The following CACNB4 variants were observed in gnomAD, a reference collection of about 807,000 sequenced individuals.
The protein encoded by CACNB4 is calcium voltage-gated channel auxiliary subunit beta 4, also known as voltage-dependent L-type calcium channel subunit beta-4.
Under a neutral mutation model 71.2 loss-of-function variants are expected in CACNB4, and 32 were observed. The ratio of observed to expected loss-of-function variants is 0.45; its 90% CI spans 0.34 to 0.60. The LOEUF (loss-of-function observed/expected upper bound fraction) is 0.60. CACNB4 is among the 20% of genes least tolerant of loss of function. The pLI is 0.01. For synonymous variants in CACNB4, 231 were observed against 236.9 expected (o/e 0.97, Z 0.23); for missense variants, 464 against 647.9 (o/e 0.72, Z 3.08).
intron 2 of CACNB4, among the ~76,000 whole-genome samples, chr2:152,007,177 T>A (rs1682777732): frequency 6.6e-6 from 1 of 152,214 alleles, no homozygotes; most frequent in Non-Finnish European, 1.5e-5. Context: ...TGCCTTTTTT[T>A]TAACCATTTT....
intron 2 of CACNB4, among the ~76,000 whole-genome samples, chr2:152,097,628 G>T (rs1425653413): frequency 6.6e-6 from 1 of 152,168 alleles, no homozygotes; most frequent in Non-Finnish European, 1.5e-5. Context: ...CATTACCAGC[G>T]ATCCGGAGAT....
intron 2 of CACNB4, among the ~76,000 whole-genome samples, chr2:151,965,566 A>G (rs62176765): frequency 0.029 from 4,386 of 152,338 alleles, 65 homozygotes; most frequent in African/African-American, 0.039. Flanking sequence ...TTGATGATTA[A>G]GCAGGATAAT....
At chr2:151,943,651 G>A (rs1053657186) in intron 2 of CACNB4, among the ~76,000 whole-genome samples, 5 of 152,162 alleles carry the variant, frequency 3.3e-5, no homozygotes, top group Non-Finnish European at 7.3e-5. Flanking sequence ...GGCTAATAAG[G>A]GGTTCGTCCA....
intron 2 of CACNB4, among the ~76,000 whole-genome samples, chr2:152,026,128 C>T (rs1457021216): frequency 6.6e-6 from 1 of 152,144 alleles, no homozygotes; most frequent in Admixed American, 6.5e-5. Context: ...CCACATCTCC[C>T]CTCTTACCTG....
Position 151,838,508 on chromosome 2 carries a change from A to C in CACNB4, c.*611T>G, listed in dbSNP as rs879237885. On this transcript the variant is annotated 3_prime_UTR_variant, in exon 14 of 14. Transcript: ENST00000539935. ...AGATTTCTGAGATTTTTTTTTTGGC[A>C]CTATCAATACATTTGGTAAGTCTGA... is the stretch of plus-strand genomic sequence containing the variant. 6.6e-6 allele frequency: 1 copy of C among 152,486 alleles called. No homozygotes were observed. Among genetic ancestry groups the C allele is most frequent in the South Asian group, 2.1e-4 (1 of 4,828 alleles). 9.4% of individuals were successfully genotyped at this position (152,486 alleles called of 1,614,324 possible).
intron 2 of CACNB4, among the ~76,000 whole-genome samples, chr2:152,039,184 C>T (rs1271654886): frequency 1.3e-5 from 2 of 152,018 alleles, no homozygotes; most frequent in Admixed American, 6.6e-5. Flanking sequence ...TCTGGGAGGC[C>T]GAGGCCGATG....
rs1260104619 is a variant in CACNB4, at chr2:151,973,992, G to A, written c.148-90622C>T. 7.6e-6 allele frequency: 9 copies of A among 1,179,118 alleles called. No homozygotes were observed. The African/African-American group carries it at 9.5e-5, about 12-fold the overall frequency. 73.0% of individuals were successfully genotyped at this position (1,179,118 alleles called of 1,614,324 possible). On this transcript the variant is annotated intron_variant, in intron 2 of 13. Transcript: ENST00000539935. The stretch of plus-strand genomic sequence containing the variant: ...AGACTGGTGACTGAGCTAGGAAAGC[G>A]GCCTCTGATTGGCTCGGCTTCCCTG...
At chr2:151,846,514 C>T (rs2099837618) in intron 12 of CACNB4, among the ~76,000 whole-genome samples, 1 of 151,998 alleles carries the variant, frequency 6.6e-6, no homozygotes, top group Middle Eastern at 3.4e-3. Context: ...ACTAATTTTG[C>T]AGTTTAATTT....
intron 2 of CACNB4, among the ~76,000 whole-genome samples, chr2:151,949,899 T>C (rs2099866500): frequency 6.6e-6 from 1 of 151,826 alleles, no homozygotes; most frequent in Non-Finnish European, 1.5e-5. Context: ...AATACAAAAA[T>C]TAGCCTGGCA....
At chr2:151,891,643 A>T (rs2099850743) in intron 2 of CACNB4, among the ~76,000 whole-genome samples, 1 of 152,234 alleles carries the variant, frequency 6.6e-6, no homozygotes, top group South Asian at 2.1e-4. Flanking sequence ...CACAATTAGC[A>T]ATAAATCAAA....
intron 2 of CACNB4, among the ~76,000 whole-genome samples, chr2:151,932,998 C>T (rs1217815584): frequency 6.6e-6 from 1 of 151,646 alleles, no homozygotes; most frequent in Non-Finnish European, 1.5e-5. Flanking sequence ...CCCTTGCAGG[C>T]TTTAGAAGGA....
At position 151,836,575 on chromosome 2, in the gene CACNB4, C is replaced by A. The variant is rs1218399542; in HGVS notation, c.*2544G>T. 4.0e-5 allele frequency: 6 copies of A among 151,778 alleles called. No individual in the cohort carries two copies. The highest frequency in any genetic ancestry group is 7.4e-5 in the Non-Finnish European group (5 of 67,764). The allele number at this position is 151,778 out of a possible 1,614,324, so 9.4% of individuals were successfully genotyped here. Reference sequence around the variant, plus strand: ...ATCCATCAATAAAATATACATTATACCCTTTCCAAGATTGTCAGCTTTTGA... The same window carrying A: ...ATCCATCAATAAAATATACATTATAACCTTTCCAAGATTGTCAGCTTTTGA... On this transcript the variant is annotated 3_prime_UTR_variant, in exon 14 of 14. Transcript: ENST00000539935.
rs58787133 is a variant in CACNB4, at chr2:151,996,478, T to TA, written c.147+101851dup. ...GGCAACAGAGCAAGACCCTGTCTCT[T>TA]AAAAAAAAAAAAAAAAAAGAATAGA... On this transcript the variant is annotated intron_variant, in intron 2 of 13. Coordinates refer to ENST00000539935, the MANE Select transcript of CACNB4 (RefSeq NM_000726.5). Among the ~76,000 whole-genome samples the TA allele has an allele frequency of 9.2e-3, 1,248 of 136,338 alleles. 10 individuals are homozygous for TA. The highest frequency in any genetic ancestry group is 0.019 in the African/African-American group (711 of 36,820). 89.4% of individuals were successfully genotyped at this position (136,338 alleles called of 152,430 possible).
At chr2:152,008,620 T>C (rs904994706) in intron 2 of CACNB4, among the ~76,000 whole-genome samples, 1 of 152,168 alleles carries the variant, frequency 6.6e-6, no homozygotes, top group African/African-American at 2.4e-5. Context: ...ATTTTTCTGA[T>C]AGAACCACGA....
intron 2 of CACNB4, among the ~76,000 whole-genome samples, chr2:152,010,247 A>C (rs552786840): frequency 3.4e-4 from 52 of 152,300 alleles, no homozygotes; most frequent in Non-Finnish European, 7.2e-4. Flanking sequence ...CTGCACTAAA[A>C]CAGGTAGTCA....
intron 2 of CACNB4, among the ~76,000 whole-genome samples, chr2:152,037,056 T>C (rs920340612): frequency 1.3e-5 from 2 of 152,234 alleles, no homozygotes; most frequent in Non-Finnish European, 2.9e-5. Flanking sequence ...AGATGGCGCA[T>C]GTAGACCATT....
At chr2:151,941,904 TA>T (rs1275711697) in intron 2 of CACNB4, among the ~76,000 whole-genome samples, 3 of 151,310 alleles carry the variant, frequency 2.0e-5, no homozygotes, top group African/African-American at 7.3e-5. Flanking sequence ...TGATTGTAAA[TA>T]AAAAATGAAA....
intron 2 of CACNB4, among the ~76,000 whole-genome samples, chr2:151,989,137 C>T (rs1450160108): frequency 6.6e-6 from 1 of 152,188 alleles, no homozygotes; most frequent in East Asian, 1.9e-4. Flanking sequence ...TCTCTGGCCT[C>T]AGTACGAATC....
chr2:151,973,630 G>A (rs1382189583), intron 2 of CACNB4: 11 of 1,583,260 alleles, frequency 6.9e-6, no homozygotes, highest in Non-Finnish European at 9.5e-6. Flanking sequence ...AGGAGGAAGA[G>A]GAGGGGAGAG....
Sources: allele counts gnomAD v4.1 joint callset (sites outside exome capture counted in the v4.1 genomes callset), GRCh38; gene constraint gnomAD v4.1.1; transcripts MANE v1.5; gene names NCBI Gene and HGNC (gene_info 2026-07-23, HGNC 2026-07-21).